The following ACAP2 variants were observed in gnomAD, a reference collection of about 807,000 sequenced individuals.
The protein encoded by ACAP2 is arf-GAP with coiled-coil, ANK repeat and PH domain-containing protein 2.
In ACAP2, 39 loss-of-function variants were observed where a neutral mutation model predicts 115.8. The observed-to-expected ratio is 0.34, with a 90% CI of 0.26 to 0.44. The LOEUF (loss-of-function observed/expected upper bound fraction) is 0.44. Ranked by LOEUF, ACAP2 falls within the 20% of genes least tolerant of loss-of-function variation. The pLI is 1.00. For missense variants in ACAP2, 662 were observed against 927.6 expected, an observed-to-expected ratio of 0.71 and a Z score of 3.72; for synonymous variants, 289 against 315.8, an observed-to-expected ratio of 0.92 and a Z score of 0.90.
intron 4 of ACAP2, among the ~76,000 whole-genome samples, chr3:195,351,496 T>C (rs1216231653): frequency 1.4e-5 from 2 of 140,980 alleles, no homozygotes; most frequent in Non-Finnish European, 3.0e-5. Flanking sequence ...GACGGAGTCT[T>C]GCTCTGTCAC....
At position 195,295,912 on chromosome 3, in the gene ACAP2, C is replaced by G. The variant is rs998252406; in HGVS notation, c.1488-20G>C. Reference sequence around the variant, plus strand: ...TCCTGTCTGACAGACATAAAAATGTCATGATGTTTTGCTTAATCTCTCAGC... The same window carrying G: ...TCCTGTCTGACAGACATAAAAATGTGATGATGTTTTGCTTAATCTCTCAGC... On this transcript the variant is annotated intron_variant, in intron 16 of 22. Transcript: ENST00000326793. The G allele has an allele frequency of 4.4e-6, 7 of 1,592,374 alleles. No individual in the cohort carries two copies. The highest frequency in any genetic ancestry group is 8.5e-7 in the Non-Finnish European group (1 of 1,170,900).
chr3:195,401,631 C>T (rs1215296005), intron 1 of ACAP2, among the ~76,000 whole-genome samples: 2 of 152,138 alleles, frequency 1.3e-5, no homozygotes, highest in Non-Finnish European at 2.9e-5. Flanking sequence ...TGTGCCACTG[C>T]GCTCCAGCTT....
At chr3:195,401,901 A>T (rs545421895) in intron 1 of ACAP2, among the ~76,000 whole-genome samples, 1 of 152,254 alleles carries the variant, frequency 6.6e-6, no homozygotes, top group South Asian at 2.1e-4. Flanking sequence ...GAGGAAGCTG[A>T]ATACAAATTT....
intron 1 of ACAP2, among the ~76,000 whole-genome samples, chr3:195,398,678 T>A (rs961915462): frequency 6.7e-6 from 1 of 149,322 alleles, no homozygotes; most frequent in Non-Finnish European, 1.5e-5. Context: ...AATAAATAAA[T>A]AAAATGTCTC....
chr3:195,344,375 C>T (rs767095796), intron 5 of ACAP2, among the ~76,000 whole-genome samples: 4 of 152,078 alleles, frequency 2.6e-5, no homozygotes, highest in Admixed American at 6.5e-5. Flanking sequence ...TATTCCCAGC[C>T]AGGAATCAAA....
At chr3:195,354,279 T>G (rs11705808) in intron 4 of ACAP2, among the ~76,000 whole-genome samples, 3,047 of 152,322 alleles carry the variant, frequency 0.02, 49 homozygotes, top group Non-Finnish European at 0.03. Flanking sequence ...ACGTCTTTGC[T>G]GTTGTGAATA....
chr3:195,324,984 T>C (rs1321033826), intron 9 of ACAP2, among the ~76,000 whole-genome samples: 1 of 152,054 alleles, frequency 6.6e-6, no homozygotes, highest in African/African-American at 2.4e-5. Flanking sequence ...AACAGACGTT[T>C]TACAAATAAG....
rs531784313 is a variant in ACAP2 at position 195,440,792 on chromosome 3, T to C, written c.53+2003A>G. Among the ~76,000 whole-genome samples, 4 of 152,340 alleles carry C rather than the reference T, an allele frequency of 2.6e-5. No individual in the cohort carries two copies. The East Asian group carries it at 7.7e-4, about 29-fold the overall frequency. On this transcript the variant is annotated intron_variant, in intron 1 of 22. Transcript: ENST00000326793. The stretch of plus-strand genomic sequence containing the variant: ...AGAATATGAATAATGAAACTTCTAT[T>C]TCTCGGCAGTCTTCCCTCTATTGCA...
rs527353148 is a variant in ACAP2, at chr3:195,345,198, G to A, written c.344+61C>T. 7.1e-5 allele frequency: 81 copies of A among 1,147,386 alleles called. 1 individual carries two copies. The East Asian group carries it at 7.3e-4, about 10-fold the overall frequency. The allele number at this position is 1,147,386 out of a possible 1,614,324, so 71.1% of individuals were successfully genotyped here. Reference sequence around the variant, plus strand: ...GTATATAACTTCTTCCAAAAGATACGAATTCTCAGATTGATCATTAACTAG... The same window carrying A: ...GTATATAACTTCTTCCAAAAGATACAAATTCTCAGATTGATCATTAACTAG... On this transcript the variant is annotated intron_variant, in intron 5 of 22. Transcript: ENST00000326793.
At position 195,289,189 on chromosome 3, in the gene ACAP2, G is replaced by A; in HGVS notation, c.2106C>T (p.Ala702=). ...LFLKRGANQH[A]TDEEGKDPLS... ...AAGGGTCTTTCCCTTCTTCATCAGTGGCATGTTGATTGGCACCTCGTTTTA... is the reference window on the plus strand; with the variant it reads ...AAGGGTCTTTCCCTTCTTCATCAGTAGCATGTTGATTGGCACCTCGTTTTA... Residue 702 remains alanine, a synonymous_variant, in exon 21 of 23, where the codon GCC becomes GCT. Coordinates refer to ENST00000326793, the MANE Select transcript of ACAP2 (RefSeq NM_012287.6). 6.2e-7 allele frequency: 1 copy of A among 1,613,182 alleles called. No homozygotes were observed. Among genetic ancestry groups the A allele is most frequent in the Non-Finnish European group, 8.5e-7 (1 of 1,179,710 alleles).
At chr3:195,416,193 A>C (rs1406627490) in intron 1 of ACAP2, among the ~76,000 whole-genome samples, 1 of 152,128 alleles carries the variant, frequency 6.6e-6, no homozygotes, top group Non-Finnish European at 1.5e-5. Context: ...TAAAAATACA[A>C]AAAGTTAGCC....
At chr3:195,359,212 G>A (rs932196467) in intron 4 of ACAP2, among the ~76,000 whole-genome samples, 35 of 152,288 alleles carry the variant, frequency 2.3e-4, no homozygotes, top group African/African-American at 8.4e-4. Context: ...AAGAAAAGGA[G>A]ATTAATGAGC....
intron 4 of ACAP2, among the ~76,000 whole-genome samples, chr3:195,373,224 G>A (rs754198360): frequency 1.3e-5 from 2 of 151,332 alleles, no homozygotes; most frequent in Non-Finnish European, 2.9e-5. Context: ...CCAGAAGTTC[G>A]TTTAAAAATA....
At chr3:195,314,618 C>A (rs1728972557) in intron 10 of ACAP2, among the ~76,000 whole-genome samples, 1 of 152,064 alleles carries the variant, frequency 6.6e-6, no homozygotes, top group South Asian at 2.1e-4. Context: ...CGCAATAATT[C>A]CATAGAAGTA....
intron 4 of ACAP2, among the ~76,000 whole-genome samples, chr3:195,379,729 G>C (rs1733821633): frequency 6.6e-6 from 1 of 152,182 alleles, no homozygotes; most frequent in African/African-American, 2.4e-5. Context: ...ACTTAAGCCT[G>C]GGAGTTCCAG....
chr3:195,366,442 T>C (rs866389913), intron 4 of ACAP2, among the ~76,000 whole-genome samples: 40 of 152,296 alleles, frequency 2.6e-4, no homozygotes, highest in African/African-American at 9.6e-4. Flanking sequence ...GAGACACTGG[T>C]GACTCCAGAA....
At chr3:195,342,869 G>GCCTGTAGTC (rs1300633796) in intron 5 of ACAP2, among the ~76,000 whole-genome samples, 4 of 152,046 alleles carry the variant, frequency 2.6e-5, no homozygotes, top group African/African-American at 9.6e-5. Context: ...GGTGGCATGT[G>GCCTGTAGTC]CCTGTAGTCC....
intron 1 of ACAP2, among the ~76,000 whole-genome samples, chr3:195,424,631 T>A (rs1714520803): frequency 6.6e-6 from 1 of 151,640 alleles, no homozygotes; most frequent in South Asian, 2.1e-4. Context: ...ACTAAAAAAA[T>A]TTTAAGACCA....
At chr3:195,418,967 C>A (rs1713954355) in intron 1 of ACAP2, among the ~76,000 whole-genome samples, 1 of 152,084 alleles carries the variant, frequency 6.6e-6, no homozygotes, top group South Asian at 2.1e-4. Context: ...GAGATGCTTG[C>A]AAGAGACTGT....
Sources: gnomAD v4.1 joint callset for allele counts (sites outside exome capture counted in the v4.1 genomes callset) on GRCh38, gnomAD v4.1.1 for gene constraint, MANE v1.5 for transcripts, NCBI Gene and HGNC (gene_info 2026-07-23, HGNC 2026-07-21) for gene names.